DAAM1: variants seen among roughly 807,000 people sequenced by gnomAD.
DAAM1 encodes the protein dishevelled associated activator of morphogenesis 1.
A neutral mutation model predicts 130.0 loss-of-function variants in DAAM1; 52 were observed. The observed-to-expected ratio is 0.40, with a 90% confidence interval of 0.32 to 0.50. DAAM1 has a LOEUF of 0.50. DAAM1 is among the 20% of genes least tolerant of loss of function. DAAM1 has a pLI of 0.61. For synonymous variants in DAAM1, 452 were observed against 444.5 expected (o/e 1.02, Z -0.21); for missense variants, 1,134 against 1,303.8 (o/e 0.87, Z 2.01).
At chr14:59,292,560 C>T (rs1883790822) in intron 3 of DAAM1, among the ~76,000 whole-genome samples, 1 of 152,342 alleles carries the variant, frequency 6.6e-6, no homozygotes, top group East Asian at 1.9e-4. Flanking sequence ...GTAACGCCAG[C>T]ATCTGATACT....
chr14:59,351,297 T>C (rs1886284663), intron 17 of DAAM1, among the ~76,000 whole-genome samples: 1 of 152,172 alleles, frequency 6.6e-6, no homozygotes, highest in Non-Finnish European at 1.5e-5. Context: ...TATCTAATCA[T>C]TTTTAATCTC....
chr14:59,286,139 A>G (rs190087266), intron 2 of DAAM1, among the ~76,000 whole-genome samples: 135 of 152,292 alleles, frequency 8.9e-4, no homozygotes, highest in African/African-American at 3.1e-3. Flanking sequence ...CATAAAAATC[A>G]CATGGAAGTT....
At chr14:59,227,621 T>C (rs970737945) in intron 1 of DAAM1, among the ~76,000 whole-genome samples, 7 of 152,250 alleles carry the variant, frequency 4.6e-5, no homozygotes, top group African/African-American at 1.7e-4. Flanking sequence ...ATCTCGATTA[T>C]GTGTCACCTC....
chr14:59,241,493 T>G (rs1217807370), intron 1 of DAAM1, among the ~76,000 whole-genome samples: 2 of 152,220 alleles, frequency 1.3e-5, no homozygotes, highest in African/African-American at 4.8e-5. Flanking sequence ...CTTTTGTGTT[T>G]GTAGTTGATA....
chr14:59,193,373 C>T (rs1350571662), intron 1 of DAAM1, among the ~76,000 whole-genome samples: 1 of 152,188 alleles, frequency 6.6e-6, no homozygotes, highest in Non-Finnish European at 1.5e-5. Context: ...CCCACTGAAA[C>T]AGGGACAGAC....
intron 1 of DAAM1, among the ~76,000 whole-genome samples, chr14:59,215,929 C>G (rs145071336): frequency 6.6e-6 from 1 of 152,168 alleles, no homozygotes; most frequent in African/African-American, 2.4e-5. Flanking sequence ...GCCTTTCTCA[C>G]GTTCCTCTCA....
intron 1 of DAAM1, among the ~76,000 whole-genome samples, chr14:59,194,614 T>C (rs1432777776): frequency 6.6e-6 from 1 of 152,214 alleles, no homozygotes; most frequent in African/African-American, 2.4e-5. Flanking sequence ...CTCTTCCCTG[T>C]AGTCTTTTAA....
intron 15 of DAAM1, among the ~76,000 whole-genome samples, chr14:59,334,314 A>G (rs961753842): frequency 6.6e-6 from 1 of 152,222 alleles, no homozygotes; most frequent in Non-Finnish European, 1.5e-5. Flanking sequence ...CTCATGACCA[A>G]TGGAAATACT....
At position 59,355,245 on chromosome 14, in the gene DAAM1, T is replaced by G. The variant is rs1330537959; in HGVS notation, c.2437T>G (p.Tyr813Asp). 3 of 1,614,146 alleles carry G rather than the reference T, an allele frequency of 1.9e-6. No individual in the cohort carries two copies. In the Admixed American group the frequency reaches 5.0e-5, roughly 27 times the overall value. Residue 813 changes from tyrosine (Y) to aspartate (D), a missense_variant, in exon 20 of 25, where the codon TAT becomes GAT. Coordinates refer to ENST00000360909, the MANE Select transcript of DAAM1 (RefSeq NM_001270520.2). ...GGAGGTGGTTTTGGCATTTGGAAAT[T>G]ATATGAATAAAGGTCAAAGAGGGAA... ...LLEVVLAFGNYMNKGQRGNAY... is the reference protein window; with the variant it reads ...LLEVVLAFGNDMNKGQRGNAY...
chr14:59,210,656 A>G (rs1427865741), intron 1 of DAAM1, among the ~76,000 whole-genome samples: 2 of 152,318 alleles, frequency 1.3e-5, no homozygotes, highest in African/African-American at 2.4e-5. Context: ...ACCTCAGGCT[A>G]GCTTCTGTCA....
chr14:59,260,447 T>C, intron 1 of DAAM1, among the ~76,000 whole-genome samples: 1 of 152,238 alleles, frequency 6.6e-6, no homozygotes, highest in East Asian at 1.9e-4. Context: ...TGCTCATATA[T>C]GTAAATTTTT....
chr14:59,278,180 C>G (rs192694016), intron 2 of DAAM1, among the ~76,000 whole-genome samples: 33 of 152,146 alleles, frequency 2.2e-4, no homozygotes, highest in African/African-American at 6.5e-4. Flanking sequence ...TGATAAAATG[C>G]CTGTGTGATC....
chr14:59,268,192 C>T lies in DAAM1; in HGVS notation c.183+4532C>T, dbSNP rs933037524. ...CTGGGATGACAGGCATGAGTCACCG[C>T]GCCCGGCGCCTGCCACATTTTTTAT... On this transcript the variant is annotated intron_variant, in intron 2 of 24. Coordinates refer to ENST00000360909, the MANE Select transcript of DAAM1 (RefSeq NM_001270520.2). Among the ~76,000 whole-genome samples, 8 of 152,222 alleles carry T rather than the reference C, an allele frequency of 5.3e-5. No homozygotes were observed. The South Asian group carries it at 1.0e-3, about 20-fold the overall frequency.
At chr14:59,219,828 C>A (rs966517716) in intron 1 of DAAM1, among the ~76,000 whole-genome samples, 7 of 152,110 alleles carry the variant, frequency 4.6e-5, no homozygotes, top group Non-Finnish European at 8.8e-5. Context: ...TCTAATATCC[C>A]TTTGGTGTCT....
At chr14:59,288,832 GGA>G (rs58762540) in intron 2 of DAAM1, among the ~76,000 whole-genome samples, 1,609 of 143,954 alleles carry the variant, frequency 0.011, 35 homozygotes, top group African/African-American at 0.027. Context: ...TGTGATAGCA[GGA>G]GAGAGAGAGA....
chr14:59,248,815 G>C (rs1487724957), intron 1 of DAAM1, among the ~76,000 whole-genome samples: 1 of 152,034 alleles, frequency 6.6e-6, no homozygotes, highest in Non-Finnish European at 1.5e-5. Context: ...ATGGAGTCTC[G>C]CTCTGTCGCC....
chr14:59,343,774 G>A (rs1444693734), intron 16 of DAAM1, among the ~76,000 whole-genome samples: 14 of 152,180 alleles, frequency 9.2e-5, no homozygotes, highest in Non-Finnish European at 1.5e-5. Flanking sequence ...CACTCCCCAT[G>A]CCTGAGTGAG....
chr14:59,198,634 A>G (rs536412799), intron 1 of DAAM1, among the ~76,000 whole-genome samples: 15 of 152,336 alleles, frequency 9.8e-5, no homozygotes, highest in Middle Eastern at 3.4e-3. Context: ...AGATTTTACA[A>G]CAGTGATGTG....
intron 1 of DAAM1, among the ~76,000 whole-genome samples, chr14:59,250,341 A>G (rs1253170891): frequency 6.6e-6 from 1 of 152,248 alleles, no homozygotes; most frequent in East Asian, 1.9e-4. Flanking sequence ...ATCTAACATT[A>G]CATTGAAGTT....
Sources: gnomAD v4.1 joint callset for allele counts (sites outside exome capture counted in the v4.1 genomes callset) on GRCh38, gnomAD v4.1.1 for gene constraint, MANE v1.5 for transcripts, NCBI Gene and HGNC (gene_info 2026-07-23, HGNC 2026-07-21) for gene names.